The following FRMD4B variants were observed in gnomAD, a reference collection of about 807,000 sequenced individuals.
FRMD4B encodes FERM domain containing 4B.
A neutral mutation model predicts 141.5 loss-of-function variants in FRMD4B; 74 were observed. That is an observed-to-expected ratio of 0.52 (90% CI 0.43 to 0.63). FRMD4B has a LOEUF of 0.63. Ranked by LOEUF, FRMD4B falls within the 30% of genes least tolerant of loss-of-function variation. FRMD4B has a pLI of 0.00. For missense variants in FRMD4B, 1,366 were observed against 1,253.4 expected, an observed-to-expected ratio of 1.09 and a Z score of -1.36; for synonymous variants, 506 against 467.9, an observed-to-expected ratio of 1.08 and a Z score of -1.05.
chr3:69,197,026 T>C lies in FRMD4B; in HGVS notation c.966A>G (p.Ser322=). The change falls in exon 13 of 23, where the codon TCA becomes TCG. Residue 322 remains serine, a synonymous_variant. Transcript: ENST00000398540. ...EVHDPRRISV[S]RRTFGQSGLF... is the part of the protein sequence containing the mutation. ...AGCCACTTTGCCCAAAGGTTCTTCT[T>C]GAAACTGAAATCCTGAAAGATTAAA... 1 of 1,611,070 alleles carries C rather than the reference T, an allele frequency of 6.2e-7. No individual in the cohort carries two copies. The highest frequency in any genetic ancestry group is 1.3e-5 in the African/African-American group (1 of 74,958).
chr3:69,357,230 A>G (rs1703350251), intron 1 of FRMD4B, among the ~76,000 whole-genome samples: 1 of 152,214 alleles, frequency 6.6e-6, no homozygotes, highest in African/African-American at 2.4e-5. Context: ...GGTCCCAGAT[A>G]ACTGGCATTC....
intron 1 of FRMD4B, among the ~76,000 whole-genome samples, chr3:69,378,845 C>G (rs983010517): frequency 1.3e-5 from 2 of 151,856 alleles, no homozygotes; most frequent in African/African-American, 4.8e-5. Context: ...TAATCCCCAA[C>G]AAAAGTCATG....
intron 1 of FRMD4B, among the ~76,000 whole-genome samples, chr3:69,450,525 G>C (rs1460503246): frequency 6.6e-6 from 1 of 152,218 alleles, no homozygotes; most frequent in Non-Finnish European, 1.5e-5. Context: ...GGCCAAGGCA[G>C]GCAGATCACC....
Position 69,181,449 on chromosome 3 carries a change from C to G in FRMD4B, c.2301G>C (p.Lys767Asn). The G allele has an allele frequency of 1.2e-6, 2 of 1,613,938 alleles. No homozygotes were observed. The highest frequency in any genetic ancestry group is 1.3e-5 in the African/African-American group (1 of 75,020). The stretch of plus-strand genomic sequence containing the variant: ...AATTTGAAGTAGAAACATTCTGTTT[C>G]TTTGACCTCCTCCGACCCCTGGTGC... ...DTRTRGRRRS[K>N]KQNVSTSNSG... Residue 767 changes from lysine (K) to asparagine (N), a missense_variant, in exon 21 of 23, where the codon AAG becomes AAC. Transcript: ENST00000398540.
chr3:69,224,323 A>G (rs1323953034), intron 8 of FRMD4B, among the ~76,000 whole-genome samples: 1 of 152,178 alleles, frequency 6.6e-6, no homozygotes, highest in African/African-American at 2.4e-5. Context: ...AATATTATAT[A>G]TTCACCTAGG....
At position 69,471,444 on chromosome 3, in the gene FRMD4B, T is replaced by G. The variant is rs1705890527; in HGVS notation, c.-128-38683A>C. ...CCCTTATCACTATATTGCTGAGATT[T>G]TATTAACTAACCTTTTGCCCTATTA... On this transcript the variant is annotated intron_variant, in intron 1 of 5. Coordinates refer to the FRMD4B transcript ENST00000459638. 1.2e-5 allele frequency: 3 copies of G among 256,552 alleles called. No individual in the cohort carries two copies. In the Admixed American group the frequency reaches 1.2e-4, roughly 10 times the overall value. 15.9% of individuals were successfully genotyped at this position (256,552 alleles called of 1,614,324 possible).
chr3:69,392,610 A>G (rs1704403126), intron 2 of FRMD4B, among the ~76,000 whole-genome samples: 1 of 152,174 alleles, frequency 6.6e-6, no homozygotes, highest in African/African-American at 2.4e-5. Flanking sequence ...TACATAACTA[A>G]GCTGAAGGAG....
At chr3:69,249,902 G>A (rs774624190) in intron 6 of FRMD4B, 141 bp downstream of exon 6, 33 of 664,396 alleles carry the variant, frequency 5.0e-5, no homozygotes, top group Middle Eastern at 2.6e-4. Flanking sequence ...AGACGGTGGC[G>A]CACATTTTTC....
intron 1 of FRMD4B, among the ~76,000 whole-genome samples, chr3:69,367,783 G>T (rs528056355): frequency 1.1e-4 from 16 of 152,112 alleles, no homozygotes; most frequent in Non-Finnish European, 2.1e-4. Context: ...TTGCACGTGC[G>T]CCATTACATG....
At chr3:69,515,341 C>A (rs1015372523) in intron 1 of FRMD4B, among the ~76,000 whole-genome samples, 1 of 152,120 alleles carries the variant, frequency 6.6e-6, no homozygotes, top group Non-Finnish European at 1.5e-5. Context: ...TGGGTGGGGC[C>A]ACAGATTCAA....
At chr3:69,318,056 C>T (rs778657535) in intron 1 of FRMD4B, among the ~76,000 whole-genome samples, 10 of 152,172 alleles carry the variant, frequency 6.6e-5, no homozygotes, top group South Asian at 2.1e-4. Flanking sequence ...ACTGTAGCTT[C>T]GACCTCCTGG....
At chr3:69,429,753 T>C (rs923212651) in intron 2 of FRMD4B, among the ~76,000 whole-genome samples, 2 of 125,256 alleles carry the variant, frequency 1.6e-5, no homozygotes, top group Non-Finnish European at 3.1e-5. Flanking sequence ...ACCTCTTCTT[T>C]TTTTTTTTTT....
chr3:69,246,337 T>G (rs2093425490), intron 7 of FRMD4B, among the ~76,000 whole-genome samples: 1 of 151,988 alleles, frequency 6.6e-6, no homozygotes, highest in Non-Finnish European at 1.5e-5. Context: ...GTACCTGTAG[T>G]CCCAGCCACT....
chr3:69,217,545 C>A (rs1354957708), intron 10 of FRMD4B, among the ~76,000 whole-genome samples: 2 of 152,100 alleles, frequency 1.3e-5, no homozygotes, highest in Non-Finnish European at 2.9e-5. Context: ...TTGATCAAAC[C>A]CGGGAGGCAG....
In FRMD4B at chr3:69,182,658, C is replaced by A. The variant is rs201267778; in HGVS notation, c.1979G>T (p.Gly660Val). Residue 660 changes from glycine (G) to valine (V), a missense_variant, in exon 20 of 23, where the codon GGA (glycine) becomes GTA (valine). Transcript: ENST00000398540. ...YKTLERRPQG[G>V]RSMPTTPVLT... is the part of the protein sequence containing the mutation. ...AACTGGCGTGGTGGGCATGCTTCGT[C>A]CTCCCTGGGGCCGCCTCTCCAGAGT... 2.5e-6 allele frequency: 4 copies of A among 1,613,674 alleles called. No individual in the cohort carries two copies. The highest frequency in any genetic ancestry group is 3.4e-6 in the Non-Finnish European group (4 of 1,179,756).
chr3:69,210,369 T>C (rs2093063584), intron 11 of FRMD4B, among the ~76,000 whole-genome samples: 2 of 152,278 alleles, frequency 1.3e-5, no homozygotes, highest in South Asian at 4.1e-4. Flanking sequence ...AACAGACATT[T>C]TTCCTTGAAA....
intron 1 of FRMD4B, among the ~76,000 whole-genome samples, chr3:69,470,316 G>T (rs1160946493): frequency 6.6e-6 from 1 of 152,092 alleles, no homozygotes; most frequent in African/African-American, 2.4e-5. Flanking sequence ...ATACTAAAAC[G>T]TTTGGTTTGT....
intron 1 of FRMD4B, among the ~76,000 whole-genome samples, chr3:69,349,715 C>A (rs1196111712): frequency 1.3e-5 from 2 of 152,104 alleles, no homozygotes; most frequent in Non-Finnish European, 2.9e-5. Flanking sequence ...GAAAAACAAG[C>A]AATGGGGAAA....
intron 1 of FRMD4B, among the ~76,000 whole-genome samples, chr3:69,491,633 C>T (rs1349249904): frequency 6.6e-6 from 1 of 152,082 alleles, no homozygotes; most frequent in Non-Finnish European, 1.5e-5. Flanking sequence ...AATACAAAAC[C>T]AATCAAATGA....
Sources: gnomAD v4.1 joint callset for allele counts (sites outside exome capture counted in the v4.1 genomes callset) on GRCh38, gnomAD v4.1.1 for gene constraint, MANE v1.5 for transcripts, NCBI Gene and HGNC (gene_info 2026-07-23, HGNC 2026-07-21) for gene names.